The following LRCH1 variants were observed in gnomAD, a reference collection of about 807,000 sequenced individuals.
The protein encoded by LRCH1 is leucine-rich repeat and calponin homology domain-containing protein 1.
A neutral mutation model predicts 94.9 loss-of-function variants in LRCH1; 23 were observed. The observed-to-expected ratio is 0.24, with a 90% CI of 0.17 to 0.34. The LOEUF (loss-of-function observed/expected upper bound fraction) is 0.34, where lower values mean the gene tolerates loss of function less well. Among genes scored for constraint, LRCH1 ranks in the 10% least tolerant of loss-of-function variants. The pLI, the probability that LRCH1 is intolerant of heterozygous loss-of-function variation, is 1.00. For missense variants in LRCH1, 790 were observed against 945.9 expected (o/e 0.84, Z 2.16); for synonymous variants, 364 against 354.9 (o/e 1.03, Z -0.29).
Position 46,694,955 on chromosome 13 carries a change from G to A in LRCH1, c.1183G>A (p.Glu395Lys), listed in dbSNP as rs755540560. The change falls in exon 9 of 20, where the codon GAA becomes AAA. Residue 395 changes from glutamate (E) to lysine (K), a missense_variant. Around this residue, in one of 3 missense-constraint regions of LRCH1, gnomAD observed 460 missense variants for 508.9 expected, o/e 0.90. Coordinates refer to ENST00000389797, the MANE Select transcript of LRCH1 (RefSeq NM_001164211.2). ...TTTGGGTGACAGCACCAACTCAGGA[G>A]AAGAAAGAGACCAGTTTACTGATAG... ...SLLGDSTNSGEERDQFTDRAD... is the reference protein window; with the variant it reads ...SLLGDSTNSGKERDQFTDRAD... 7.4e-6 allele frequency: 12 copies of A among 1,614,044 alleles called. No homozygotes were observed. In the Admixed American group the frequency reaches 1.7e-4, roughly 22 times the overall value.
chr13:46,644,591 A>G (rs1453152419), intron 1 of LRCH1, among the ~76,000 whole-genome samples: 1 of 152,242 alleles, frequency 6.6e-6, no homozygotes, highest in Non-Finnish European at 1.5e-5. Flanking sequence ...TTGTATAGCC[A>G]GTGAAAGTGT....
In LRCH1 at chr13:46,669,047, C is replaced by T. The variant is rs1260642978; in HGVS notation, c.470C>T (p.Ala157Val). 1 of 1,612,538 alleles carries T rather than the reference C, an allele frequency of 6.2e-7. No homozygotes were observed. Among genetic ancestry groups the T allele is most frequent in the East Asian group, 2.2e-5 (1 of 44,840 alleles). Residue 157 changes from alanine (A) to valine (V), a missense_variant, in exon 3 of 20, where the codon GCC becomes GTC. By Grantham distance (64) the Ala-to-Val change is moderately conservative (BLOSUM62 0). Around this residue, in one of 3 missense-constraint regions of LRCH1, gnomAD observed 194 missense variants for 293.5 expected, o/e 0.66. Transcript: ENST00000389797. ...CTTTGCAGTCGAAATCAGCTGTCCGCCCTGCCTGCCTGCCTGTGTGGTCTG... is the reference window on the plus strand; with the variant it reads ...CTTTGCAGTCGAAATCAGCTGTCCGTCCTGCCTGCCTGCCTGTGTGGTCTG... ...YLNLSRNQLS[A>V]LPACLCGLPL...
intron 1 of LRCH1, among the ~76,000 whole-genome samples, chr13:46,596,342 A>T (rs561626194): frequency 6.6e-6 from 1 of 152,316 alleles, no homozygotes; most frequent in Non-Finnish European, 1.5e-5. Flanking sequence ...GTTTTGGTAC[A>T]GTCTGATCAT....
chr13:46,651,434 C>A (rs139615856), intron 2 of LRCH1, among the ~76,000 whole-genome samples: 1 of 151,972 alleles, frequency 6.6e-6, no homozygotes. Flanking sequence ...GAGGCCGAGG[C>A]GGAGGGATCG....
intron 9 of LRCH1, among the ~76,000 whole-genome samples, chr13:46,697,035 T>G (rs570348420): frequency 6.6e-6 from 1 of 152,318 alleles, no homozygotes; most frequent in South Asian, 2.1e-4. Flanking sequence ...ACCACTGCAC[T>G]CCAGCCTGGG....
chr13:46,718,710 G>T (rs891324917), intron 16 of LRCH1, among the ~76,000 whole-genome samples: 1 of 152,170 alleles, frequency 6.6e-6, no homozygotes, highest in East Asian at 1.9e-4. Flanking sequence ...ATTCACAGTA[G>T]CCTGGATCTA....
chr13:46,564,794 C>T (rs1372614831), intron 1 of LRCH1, among the ~76,000 whole-genome samples: 1 of 152,232 alleles, frequency 6.6e-6, no homozygotes, highest in East Asian at 1.9e-4. Flanking sequence ...AGCGAAAATG[C>T]TCTTTATCCC....
intron 1 of LRCH1, among the ~76,000 whole-genome samples, chr13:46,616,668 A>G (rs931081877): frequency 2.0e-5 from 3 of 152,192 alleles, no homozygotes; most frequent in Non-Finnish European, 4.4e-5. Context: ...GATCTGAAAC[A>G]TTTTTTCTAT....
intron 5 of LRCH1, among the ~76,000 whole-genome samples, chr13:46,687,584 A>G (rs544694984): frequency 3.9e-4 from 59 of 152,330 alleles, no homozygotes; most frequent in African/African-American, 1.3e-3. Flanking sequence ...TACTATATAT[A>G]CTTGAATACA....
chr13:46,567,872 G>A (rs775121186), intron 1 of LRCH1, among the ~76,000 whole-genome samples: 19 of 152,268 alleles, frequency 1.2e-4, no homozygotes, highest in Admixed American at 4.6e-4. Context: ...GAGATAATGC[G>A]TCCTGATAGA....
chr13:46,582,648 CTTTT>C (rs551678501), intron 1 of LRCH1, among the ~76,000 whole-genome samples: 30 of 23,334 alleles, frequency 1.3e-3, no homozygotes, highest in South Asian at 9.8e-3. Context: ...CCATGCCCAG[CTTTT>C]TTTTTTTTTT....
chr13:46,643,961 C>T (rs1171864189), intron 1 of LRCH1, among the ~76,000 whole-genome samples: 3 of 152,056 alleles, frequency 2.0e-5, no homozygotes, highest in East Asian at 3.8e-4. Context: ...AAGACCATGT[C>T]GACTTTATTT....
chr13:46,639,637 T>C (rs1176775279), intron 1 of LRCH1, among the ~76,000 whole-genome samples: 1 of 152,172 alleles, frequency 6.6e-6, no homozygotes, highest in African/African-American at 2.4e-5. Flanking sequence ...TCTCCTGCCT[T>C]CCTCTCATGC....
At chr13:46,569,818 G>C (rs1034014735) in intron 1 of LRCH1, among the ~76,000 whole-genome samples, 3 of 152,014 alleles carry the variant, frequency 2.0e-5, no homozygotes, top group African/African-American at 7.3e-5. Context: ...TGTCTTCATT[G>C]CACTTGCCAA....
At chr13:46,751,595 A>C (rs777482463) in exon 19 of LRCH1, 1 of 152,200 alleles carries the variant, frequency 6.6e-6, no homozygotes, top group Non-Finnish European at 1.5e-5. Context: ...TTCTTTTGCT[A>C]TGCACAAAAC....
chr13:46,619,146 G>T (rs1021484661), intron 1 of LRCH1, among the ~76,000 whole-genome samples: 37 of 131,522 alleles, frequency 2.8e-4, no homozygotes, highest in Admixed American at 5.8e-4. Flanking sequence ...GTCTTGCTCT[G>T]TCACCCAGGC....
intron 13 of LRCH1, among the ~76,000 whole-genome samples, chr13:46,707,342 C>T (rs1871817007): frequency 1.3e-5 from 2 of 152,214 alleles, no homozygotes; most frequent in African/African-American, 2.4e-5. Context: ...ATTTCGAATA[C>T]TGCACAGGTG....
chr13:46,581,806 GCC>G (rs2050368678), intron 1 of LRCH1, among the ~76,000 whole-genome samples: 2 of 152,194 alleles, frequency 1.3e-5, no homozygotes, highest in African/African-American at 4.8e-5. Context: ...ACCTTCTCAA[GCC>G]CACATGCTCC....
At chr13:46,689,380 A>T (rs1354793063) in intron 7 of LRCH1, among the ~76,000 whole-genome samples, 184 bp downstream of exon 7, 1 of 152,136 alleles carries the variant, frequency 6.6e-6, no homozygotes, top group East Asian at 1.9e-4. Flanking sequence ...AGCTGTTGTT[A>T]CTTATTCTGC....
Sources: gnomAD v4.1 joint callset for allele counts (sites outside exome capture counted in the v4.1 genomes callset) on GRCh38, gnomAD v4.1.1 for gene constraint, gnomAD v4.1.1 regional missense constraint, MANE v1.5 for transcripts, NCBI Gene and HGNC (gene_info 2026-07-23, HGNC 2026-07-21) for gene names.